The following RFC3 variants were observed in gnomAD, a reference collection of about 807,000 sequenced individuals.
The protein encoded by RFC3 is replication factor C subunit 3.
Under a neutral mutation model 45.1 loss-of-function variants are expected in RFC3, and 41 were observed. That is an observed-to-expected ratio of 0.91 (90% CI 0.71 to 1.18). RFC3 has a LOEUF of 1.18. RFC3 is among the 50% of genes most tolerant of loss of function. The pLI is 0.00. For missense variants in RFC3, 423 were observed against 428.1 expected (o/e 0.99, Z 0.10); for synonymous variants, 149 against 144.0 (o/e 1.03, Z -0.25).
chr13:33,950,071 C>G (rs1408107581), intron 8 of RFC3, among the ~76,000 whole-genome samples: 2 of 64,432 alleles, frequency 3.1e-5, no homozygotes, highest in Non-Finnish European at 6.3e-5. Flanking sequence ...CTCTCTCGCT[C>G]TACACACACA....
intron 8 of RFC3, among the ~76,000 whole-genome samples, chr13:33,856,311 A>T (rs2082308622): frequency 6.6e-6 from 1 of 152,156 alleles, no homozygotes; most frequent in African/African-American, 2.4e-5. Flanking sequence ...CAGACAGGTA[A>T]ACAGCAGACA....
chr13:33,909,929 G>C (rs900237033), intron 8 of RFC3, among the ~76,000 whole-genome samples: 1 of 151,974 alleles, frequency 6.6e-6, no homozygotes, highest in African/African-American at 2.4e-5. Flanking sequence ...CAGAGGTCTG[G>C]GAAGGTCTAT....
intron 8 of RFC3, among the ~76,000 whole-genome samples, chr13:33,860,298 C>T (rs1243673023): frequency 1.4e-5 from 1 of 71,550 alleles, no homozygotes; most frequent in Non-Finnish European, 5.0e-5. Context: ...AAAATGGGGA[C>T]TCAGGAAAAC....
chr13:33,923,837 C>T (rs1037363135), intron 8 of RFC3, among the ~76,000 whole-genome samples: 2 of 152,126 alleles, frequency 1.3e-5, no homozygotes, highest in Admixed American at 6.6e-5. Flanking sequence ...CAAGGTGTCC[C>T]AGGCTGCCAG....
At chr13:33,964,868 T>C (rs2083078107) in intron 8 of RFC3, among the ~76,000 whole-genome samples, 1 of 152,230 alleles carries the variant, frequency 6.6e-6, no homozygotes, top group African/African-American at 2.4e-5. Context: ...AGGTGGTCTC[T>C]ATGTCCAACA....
At chr13:33,942,941 T>G (rs1292492122) in intron 8 of RFC3, among the ~76,000 whole-genome samples, 2 of 152,190 alleles carry the variant, frequency 1.3e-5, no homozygotes, top group Non-Finnish European at 2.9e-5. Flanking sequence ...AGCAGAGCTG[T>G]TTCTGCCTTG....
At chr13:33,970,073 G>GCTCTTC (rs1282778213), downstream of RFC3, among the ~76,000 whole-genome samples, 27 of 152,038 alleles carry the variant, frequency 1.8e-4, 1 homozygote, top group African/African-American at 6.5e-4. Context: ...TCTTCCTGAT[G>GCTCTTC]CTCTTCCTCC....
chr13:33,865,149 T>C (rs1177173300), intron 8 of RFC3, among the ~76,000 whole-genome samples: 1 of 152,096 alleles, frequency 6.6e-6, no homozygotes, highest in African/African-American at 2.4e-5. Flanking sequence ...CCAGCATCAG[T>C]TGTTGCTGGA....
intron 8 of RFC3, among the ~76,000 whole-genome samples, chr13:33,945,297 C>A (rs2137814449): frequency 6.6e-6 from 1 of 152,280 alleles, no homozygotes; most frequent in South Asian, 2.1e-4. Context: ...TTTCCATATT[C>A]ATATAGTACT....
At chr13:33,874,018 A>G (rs376933574) in intron 8 of RFC3, among the ~76,000 whole-genome samples, 1 of 152,100 alleles carries the variant, frequency 6.6e-6, no homozygotes, top group Non-Finnish European at 1.5e-5. Context: ...TAATCTCTCT[A>G]TAAAACTTTA....
intron 8 of RFC3, among the ~76,000 whole-genome samples, chr13:33,946,069 T>G (rs2082952548): frequency 6.6e-6 from 1 of 152,204 alleles, no homozygotes; most frequent in African/African-American, 2.4e-5. Flanking sequence ...TCTCTCCACT[T>G]GGATAATCTC....
intron 8 of RFC3, among the ~76,000 whole-genome samples, chr13:33,893,772 A>T (rs1054929100): frequency 2.0e-5 from 3 of 152,088 alleles, no homozygotes; most frequent in African/African-American, 7.2e-5. Context: ...AGCAGAATGG[A>T]TCAAGCAGAA....
chr13:33,922,128 T>C lies in RFC3; in HGVS notation c.880-43959T>C, dbSNP rs545703264. On this transcript the variant is annotated intron_variant, in intron 8 of 8. Coordinates refer to the RFC3 transcript ENST00000434425. Reference sequence around the variant, plus strand: ...GCGAGAATTAGGAAAGAGAGTAATCTTTAGAAGCCTCAGCTTCATTGCTTT... The same window carrying C: ...GCGAGAATTAGGAAAGAGAGTAATCCTTAGAAGCCTCAGCTTCATTGCTTT... 1.2e-4 allele frequency among the ~76,000 whole-genome samples: 18 copies of C among 151,668 alleles called. No homozygotes were observed. In the East Asian group the frequency reaches 3.3e-3, roughly 28 times the overall value.
At chr13:33,948,302 G>A (rs1044417932) in intron 8 of RFC3, among the ~76,000 whole-genome samples, 7 of 152,224 alleles carry the variant, frequency 4.6e-5, no homozygotes, top group African/African-American at 1.4e-4. Context: ...CTTACCTGTG[G>A]TGTTAGGCCT....
chr13:33,860,718 C>G (rs890683368), intron 8 of RFC3, among the ~76,000 whole-genome samples: 11 of 152,272 alleles, frequency 7.2e-5, no homozygotes, highest in African/African-American at 2.6e-4. Context: ...CAGCATGAGT[C>G]CCTGTCATGA....
rs535330756 is a variant in RFC3, at chr13:33,858,108, T to C, written c.879+22891T>C. Among the ~76,000 whole-genome samples the C allele has an allele frequency of 2.6e-5, 4 of 152,300 alleles. No homozygotes were observed. The East Asian group carries it at 7.7e-4, about 29-fold the overall frequency. The stretch of plus-strand genomic sequence containing the variant: ...TAAGGATGGAGCGGAAGGGACCAGA[T>C]CATAACCATCTCGGAAGCTGAGATG... On this transcript the variant is annotated intron_variant, in intron 8 of 8. Coordinates refer to the RFC3 transcript ENST00000434425.
Position 33,836,588 on chromosome 13 carries a change from G to A in RFC3, c.*293G>A, listed in dbSNP as rs772440833. On this transcript the variant is annotated 3_prime_UTR_variant, in exon 9 of 9. Coordinates refer to ENST00000380071, the MANE Select transcript of RFC3 (RefSeq NM_002915.4). ...ATTGTTGATCCTCCTATTCTCTTCC[G>A]TCTAATCTCTCACCTGCTAAAGGAG... 93 of 1,057,688 alleles carry A rather than the reference G, an allele frequency of 8.8e-5. No homozygotes were observed. The highest frequency in any genetic ancestry group is 1.2e-4 in the African/African-American group (7 of 60,132). 65.5% of individuals were successfully genotyped at this position (1,057,688 alleles called of 1,614,324 possible). A position where few individuals can be genotyped will look rare whatever the true frequency, so the allele number is the denominator to read the frequency against.
chr13:33,921,305 A>C (rs1000058149), intron 8 of RFC3, among the ~76,000 whole-genome samples: 1 of 152,168 alleles, frequency 6.6e-6, no homozygotes, highest in Non-Finnish European at 1.5e-5. Context: ...TGGCTCCGTA[A>C]GTGGAGCTTG....
intron 1 of RFC3, among the ~76,000 whole-genome samples, chr13:33,819,036 G>A (rs912015553): frequency 2.6e-5 from 4 of 151,772 alleles, no homozygotes; most frequent in African/African-American, 9.7e-5. Flanking sequence ...GATTACAGGC[G>A]CCCGCCACCA....
Sources: allele counts gnomAD v4.1 joint callset (sites outside exome capture counted in the v4.1 genomes callset), GRCh38; gene constraint gnomAD v4.1.1; transcripts MANE v1.5; gene names NCBI Gene and HGNC (gene_info 2026-07-23, HGNC 2026-07-21).